The following PCDH11X variants were observed in gnomAD, a reference collection of about 807,000 sequenced individuals.
The protein encoded by PCDH11X is protocadherin-11 X-linked.
PCDH11X carries 18 observed loss-of-function variants against 53.3 expected under a neutral mutation model. The ratio of observed to expected loss-of-function variants is 0.34; its 90% CI spans 0.23 to 0.50. The LOEUF is 0.50. Among genes scored for constraint, PCDH11X ranks in the 20% least tolerant of loss-of-function variants. PCDH11X has a pLI of 0.98. For synonymous variants in PCDH11X, 279 were observed against 393.3 expected (o/e 0.71, Z 3.44); for missense variants, 570 against 1,032.4 (o/e 0.55, Z 6.14).
At position 92,544,843 on chromosome X, in the gene PCDH11X, G is replaced by A. The variant is rs1023802089; in HGVS notation, c.3368-73421G>A. Among the ~76,000 whole-genome samples the A allele has an allele frequency of 1.2e-4, 13 of 110,168 alleles. 1 individual carries two copies. Among genetic ancestry groups the A allele is most frequent in the African/African-American group, 6.6e-5 (2 of 30,294 alleles). ...GCACTTTTTTAAAGCAAGGAAAACT[G>A]GTATGAATACAATTTTTATATTAAA... is the stretch of plus-strand genomic sequence containing the variant. On this transcript the variant is annotated intron_variant, in intron 10 of 10. Coordinates refer to ENST00000682573, the MANE Select transcript of PCDH11X (RefSeq NM_032968.5).
At chrX:92,017,633 G>T (rs1470045172) in intron 6 of PCDH11X, among the ~76,000 whole-genome samples, 2 of 103,791 alleles carry the variant, frequency 1.9e-5, no homozygotes, top group African/African-American at 7.1e-5. Context: ...GGAGGTTGAG[G>T]TTGCAGTGAG....
chrX:92,621,046 C>T lies in PCDH11X; in HGVS notation c.*2106C>T, dbSNP rs1262979338. ...TAGAACATTCTTTGCCTCAAAAAAC[C>T]TGCAAAGATGATGTGAGATTTTTTC... On this transcript the variant is annotated 3_prime_UTR_variant, in exon 11 of 11. Coordinates refer to ENST00000682573, the MANE Select transcript of PCDH11X (RefSeq NM_032968.5). The T allele has an allele frequency of 3.8e-5, 4 of 104,613 alleles. No homozygotes were observed. Among genetic ancestry groups the T allele is most frequent in the African/African-American group, 1.5e-4 (4 of 27,452 alleles). The allele number at this position is 104,613 out of a possible 1,213,427, so 8.6% of individuals were successfully genotyped here.
At chrX:92,341,108 A>G (rs955549698) in intron 8 of PCDH11X, among the ~76,000 whole-genome samples, 1 of 111,821 alleles carries the variant, frequency 8.9e-6, no homozygotes, top group African/African-American at 3.3e-5. Flanking sequence ...AATACAGTGC[A>G]GCCAAATTCT....
intron 8 of PCDH11X, among the ~76,000 whole-genome samples, chrX:92,273,415 T>A (rs1229252020): frequency 9.0e-6 from 1 of 111,458 alleles, no homozygotes; most frequent in East Asian, 2.8e-4. Flanking sequence ...GGCAGGGCCT[T>A]TTCACTTCTT....
chrX:91,963,698 T>C (rs2061825045), intron 6 of PCDH11X, among the ~76,000 whole-genome samples: 1 of 111,650 alleles, frequency 9.0e-6, no homozygotes, highest in Non-Finnish European at 1.9e-5. Context: ...ACTGTATTAG[T>C]CTGTTCTCAC....
chrX:92,459,806 C>T (rs1285067392), intron 9 of PCDH11X: 34 of 1,179,855 alleles, frequency 2.9e-5, no homozygotes, highest in Non-Finnish European at 3.8e-5. Flanking sequence ...TCCCGGATCT[C>T]CGTGTCCCGC....
chrX:92,121,072 A>G (rs961428526), intron 6 of PCDH11X, among the ~76,000 whole-genome samples: 1 of 111,632 alleles, frequency 9.0e-6, no homozygotes, highest in African/African-American at 3.3e-5. Flanking sequence ...AAAATTAATT[A>G]TGAGTTATGT....
chrX:92,261,564 A>G (rs116600376), intron 7 of PCDH11X, among the ~76,000 whole-genome samples: 6,536 of 111,156 alleles, frequency 0.059, 239 homozygotes, highest in East Asian at 0.23. Context: ...ATGCTTTTGG[A>G]TTGCTTTGTG....
chrX:92,155,918 G>A (rs1428247744), intron 6 of PCDH11X, among the ~76,000 whole-genome samples: 2 of 108,239 alleles, frequency 1.8e-5, no homozygotes, highest in African/African-American at 3.4e-5. Flanking sequence ...GTGAGCCACC[G>A]AGCCCGGCAG....
At position 92,191,488 on chromosome X, in the gene PCDH11X, G is replaced by A. The variant is rs527525554; in HGVS notation, c.3034-9887G>A. Among the ~76,000 whole-genome samples, 9 of 111,131 alleles carry A rather than the reference G, an allele frequency of 8.1e-5. No individual in the cohort carries two copies. The South Asian group carries it at 1.9e-3, about 23-fold the overall frequency. Reference sequence around the variant, plus strand: ...TTAGAAACGTCATTATTATGTAAGGGGTTTTAATATAATCAAAATGCATAT... The same window carrying A: ...TTAGAAACGTCATTATTATGTAAGGAGTTTTAATATAATCAAAATGCATAT... On this transcript the variant is annotated intron_variant, in intron 6 of 10. Coordinates refer to ENST00000682573, the MANE Select transcript of PCDH11X (RefSeq NM_032968.5).
intron 9 of PCDH11X, among the ~76,000 whole-genome samples, chrX:92,429,882 T>C: frequency 9.7e-6 from 1 of 102,768 alleles, no homozygotes; most frequent in South Asian, 4.6e-4. Flanking sequence ...TAGTATGTTG[T>C]TAAACAACAG....
At chrX:92,147,839 C>CTTTCTTTCTTTCT (rs2065305981) in intron 6 of PCDH11X, among the ~76,000 whole-genome samples, 1 of 96,130 alleles carries the variant, frequency 1.0e-5, no homozygotes, top group Non-Finnish European at 2.0e-5. Context: ...TTCTTTCTTT[C>CTTTCTTTCTTTCT]TTTCTTTCTT....
At chrX:92,274,858 G>A (rs1156261504) in intron 8 of PCDH11X, among the ~76,000 whole-genome samples, 5 of 109,482 alleles carry the variant, frequency 4.6e-5, no homozygotes, top group African/African-American at 1.7e-4. Context: ...GAACAGGAAA[G>A]AAGGAAATAT....
At chrX:91,879,938 A>T (rs1939817858) in intron 6 of PCDH11X, 1 of 706,733 alleles carries the variant, frequency 1.4e-6, no homozygotes, top group Non-Finnish European at 1.6e-6. Flanking sequence ...AGGTCTCTGG[A>T]TAGCTATTTA....
intron 6 of PCDH11X, among the ~76,000 whole-genome samples, chrX:92,063,949 G>A: frequency 9.3e-6 from 1 of 107,178 alleles, no homozygotes; most frequent in Admixed American, 1.0e-4. Flanking sequence ...TTCCCTGTCT[G>A]CAGCCACAAC....
rs1325514778 is a variant in PCDH11X at position 92,618,975 on chromosome X, T to C, written c.*35T>C. 13 of 1,177,004 alleles carry C rather than the reference T, an allele frequency of 1.1e-5. No individual in the cohort carries two copies. Among genetic ancestry groups the C allele is most frequent in the Non-Finnish European group, 1.5e-5 (13 of 866,122 alleles). On this transcript the variant is annotated 3_prime_UTR_variant, in exon 11 of 11. Coordinates refer to ENST00000682573, the MANE Select transcript of PCDH11X (RefSeq NM_032968.5). The stretch of plus-strand genomic sequence containing the variant: ...AGTTACTTCAAATTTTCAGAAAAGA[T>C]GTATATAGTCAAAATTTAAGATACA...
chrX:92,419,669 C>T (rs1267699402), intron 9 of PCDH11X, among the ~76,000 whole-genome samples: 43 of 54,196 alleles, frequency 7.9e-4, no homozygotes, highest in Non-Finnish European at 1.2e-3. Context: ...TCCCTCCACC[C>T]TTTTTTTTTT....
At chrX:92,111,913 C>T (rs1226077616) in intron 6 of PCDH11X, among the ~76,000 whole-genome samples, 4 of 109,434 alleles carry the variant, frequency 3.7e-5, no homozygotes, top group Non-Finnish European at 7.6e-5. Context: ...CCCGCCACCT[C>T]GCCCGGCTAA....
At chrX:91,850,655 A>C (rs1409640494) in intron 5 of PCDH11X, among the ~76,000 whole-genome samples, 4 of 112,035 alleles carry the variant, frequency 3.6e-5, no homozygotes, top group Non-Finnish European at 7.5e-5. Flanking sequence ...ATTGTCTTAA[A>C]AATCTTATCA....
Sources: allele counts gnomAD v4.1 joint callset (sites outside exome capture counted in the v4.1 genomes callset), GRCh38; gene constraint gnomAD v4.1.1; transcripts MANE v1.5; gene names NCBI Gene and HGNC (gene_info 2026-07-23, HGNC 2026-07-21).